The following PXDN variants were observed in gnomAD, a reference collection of about 807,000 sequenced individuals.
PXDN encodes peroxidasin.
Under a neutral mutation model 140.3 loss-of-function variants are expected in PXDN, and 77 were observed. That is an observed-to-expected ratio of 0.55 (90% CI 0.46 to 0.66). The LOEUF (loss-of-function observed/expected upper bound fraction) is 0.66. PXDN is among the 30% of genes least tolerant of loss of function. The probability of loss-of-function intolerance (pLI) is 0.00; values close to 1 mark genes in which losing one functional copy is unlikely to be tolerated. For synonymous variants in PXDN, 911 were observed against 857.4 expected, an observed-to-expected ratio of 1.06 and a Z score of -1.09; for missense variants, 1,838 against 2,039.5, an observed-to-expected ratio of 0.90 and a Z score of 1.90.
Position 1,648,902 on chromosome 2 carries a change from T to C in PXDN, c.2878A>G (p.Met960Val), listed in dbSNP as rs1682929716. 1 of 1,601,180 alleles carries C rather than the reference T, an allele frequency of 6.2e-7. No homozygotes were observed. The highest frequency in any genetic ancestry group is 2.2e-5 in the East Asian group (1 of 44,512). ...PFATGPPTEC[M>V]RDENESPIPC... is the part of the protein sequence containing the mutation. ...ATGGGGCTCTCGTTCTCGTCCCGCA[T>C]GCACTCCGTGGGCGGCCCGGTGGCG... The change falls in exon 17 of 23, where the codon ATG becomes GTG. Residue 960 changes from methionine (M) to valine (V), a missense_variant. Met to Val is a conservative substitution (Grantham distance 21). This residue lies in a region of PXDN where 850 missense variants were observed against 894.1 expected (regional missense o/e 0.95). Coordinates refer to ENST00000252804, the MANE Select transcript of PXDN (RefSeq NM_012293.3). The surrounding 1 kb of genome is among the most constrained non-coding windows in gnomAD (Gnocchi z 8.9).
At chr2:1,732,187 G>GA (rs1442897063) in intron 1 of PXDN, among the ~76,000 whole-genome samples, 1 of 152,184 alleles carries the variant, frequency 6.6e-6, no homozygotes, top group Non-Finnish European at 1.5e-5. Context: ...GTAGCCAGCA[G>GA]AAAACGGCCC....
At chr2:1,703,209 A>G (rs185868626) in intron 1 of PXDN, among the ~76,000 whole-genome samples, 1 of 31,014 alleles carries the variant, frequency 3.2e-5, no homozygotes, top group Non-Finnish European at 5.3e-5. Context: ...AAGAGGGACA[A>G]CTCCAGGTGA....
At chr2:1,743,647 G>T (rs868145334) in intron 1 of PXDN, among the ~76,000 whole-genome samples, 1 of 142,052 alleles carries the variant, frequency 7.0e-6, no homozygotes, top group Non-Finnish European at 1.5e-5. Flanking sequence ...GAGAAGGAAG[G>T]GGGGGAGGAG....
intron 9 of PXDN, 104 bp from the exon 10 acceptor site, chr2:1,666,590 T>A: frequency 7.4e-7 from 1 of 1,348,396 alleles, no homozygotes; most frequent in Non-Finnish European, 9.9e-7. Context: ...ACCACCGAAA[T>A]AGGCAAAACA....
chr2:1,680,032 C>A (rs112132398), intron 7 of PXDN, among the ~76,000 whole-genome samples, 161 bp downstream of exon 7: 1 of 130,302 alleles, frequency 7.7e-6, no homozygotes, highest in Non-Finnish European at 1.6e-5. Context: ...CGTGTATGTG[C>A]GTGTGTGTGG....
intron 1 of PXDN, among the ~76,000 whole-genome samples, chr2:1,698,011 C>T (rs1280996748): frequency 6.6e-6 from 1 of 152,172 alleles, no homozygotes; most frequent in Admixed American, 6.5e-5. Flanking sequence ...GGCAGGGCAT[C>T]CATGAACTCT....
In PXDN at chr2:1,741,164, C is replaced by T. The variant is rs79378616; in HGVS notation, c.200+3092G>A. Among the ~76,000 whole-genome samples the T allele has an allele frequency of 2.4e-3, 368 of 152,030 alleles. 1 individual carries two copies. Among genetic ancestry groups the T allele is most frequent in the African/African-American group, 8.1e-3 (336 of 41,460 alleles). On this transcript the variant is annotated intron_variant, in intron 1 of 22. Coordinates refer to ENST00000252804, the MANE Select transcript of PXDN (RefSeq NM_012293.3). ...CCAGCCAGCACCCTAGCGGCGTGAC[C>T]GTGAAGAAGAATGTTTCAAATGTGA...
intron 13 of PXDN, 71 bp downstream of exon 13, chr2:1,662,001 T>C (rs867096953): frequency 7.4e-7 from 1 of 1,346,626 alleles, no homozygotes; most frequent in Non-Finnish European, 1.0e-6. Flanking sequence ...CTCCAGGTAG[T>C]GGGTGGTGTG....
In PXDN at chr2:1,634,237, G is replaced by A; in HGVS notation, c.4407C>T (p.Val1469=). 1.2e-6 allele frequency: 2 copies of A among 1,604,284 alleles called. No homozygotes were observed. The highest frequency in any genetic ancestry group is 1.7e-6 in the Non-Finnish European group (2 of 1,175,600). Residue 1469 remains valine (V), a synonymous_variant, in exon 23 of 23, where the codon GTC becomes GTT. Transcript: ENST00000252804. ...PVNIPGACCP[V]CLQKRAEEKP ...TTTCCTCCGCCCTCTTCTGTAAGCAGACTGGACAGCAGGCCCCTGGGATGT... is the reference window on the plus strand; with the variant it reads ...TTTCCTCCGCCCTCTTCTGTAAGCAAACTGGACAGCAGGCCCCTGGGATGT...
intron 17 of PXDN, among the ~76,000 whole-genome samples, chr2:1,647,761 T>C (rs1236191898): frequency 6.6e-6 from 1 of 152,220 alleles, no homozygotes; most frequent in Non-Finnish European, 1.5e-5. Flanking sequence ...TCTCTGCCCC[T>C]GATACAACAG....
At chr2:1,698,968 TG>T (rs1437725623) in intron 1 of PXDN, among the ~76,000 whole-genome samples, 1 of 152,208 alleles carries the variant, frequency 6.6e-6, no homozygotes, top group African/African-American at 2.4e-5. Context: ...TGTTTCCTTT[TG>T]TTTTGCTGTA....
intron 4 of PXDN, 59 bp from the exon 5 acceptor site, chr2:1,684,210 T>A: frequency 6.8e-7 from 1 of 1,470,470 alleles, no homozygotes; most frequent in Non-Finnish European, 9.3e-7. Context: ...AGATCCAGAT[T>A]TTTGCCCAAA....
chr2:1,653,804 G>A lies in PXDN; in HGVS notation c.1947-19C>T, dbSNP rs1558491834. The A allele has an allele frequency of 6.5e-7, 1 of 1,533,092 alleles. No homozygotes were observed. The highest frequency in any genetic ancestry group is 1.7e-4 in the Middle Eastern group (1 of 5,902). The allele number at this position is 1,533,092 out of a possible 1,614,324, so 95.0% of individuals were successfully genotyped here. Reference sequence around the variant, plus strand: ...AGGACGGCTAACCAGAGTTTAGGGGGAAGAAAGGAAGAATGAAACAAATTA... The same window carrying A: ...AGGACGGCTAACCAGAGTTTAGGGGAAAGAAAGGAAGAATGAAACAAATTA... On this transcript the variant is annotated intron_variant, in intron 15 of 22. Transcript: ENST00000252804.
rs200580512 is a variant in PXDN at position 1,704,663 on chromosome 2, AG to A, written c.201-11530del. ...GTGAAGGGGGGGCAGCTCCAGGTGA[AG>A]GGGGGGCAACTCCAAGAGGGGAGGG... is the stretch of plus-strand genomic sequence containing the variant. On this transcript the variant is annotated intron_variant, in intron 1 of 22. Transcript: ENST00000252804. 1.7e-4 allele frequency among the ~76,000 whole-genome samples: 12 copies of A among 71,720 alleles called. No homozygotes were observed. The Admixed American group carries it at 1.7e-3, about 10-fold the overall frequency. 47.1% of individuals were successfully genotyped at this position (71,720 alleles called of 152,430 possible). A position where few individuals can be genotyped will look rare whatever the true frequency, so the allele number is the denominator to read the frequency against.
intron 7 of PXDN, among the ~76,000 whole-genome samples, chr2:1,678,868 G>A (rs910764531): frequency 3.3e-5 from 5 of 152,186 alleles, no homozygotes; most frequent in African/African-American, 1.2e-4. Context: ...CTGCACAGGG[G>A]TCTGGGCCTC....
Position 1,644,698 on chromosome 2 carries a change from G to T in PXDN, c.3663C>A (p.Asp1221Glu). ...IDLFPALVVE[D>E]LVPGSRLGPT... ...GGCCCAGCCGGCTGCCAGGCACCAG[G>T]TCCTCCACCACGAGCGCCGGAAACA... Residue 1221 changes from aspartate (D) to glutamate (E), a missense_variant, in exon 18 of 23, where the codon GAC (aspartate) becomes GAA (glutamate). This residue lies in a region of PXDN where 850 missense variants were observed against 894.1 expected (regional missense o/e 0.95). Coordinates refer to ENST00000252804, the MANE Select transcript of PXDN (RefSeq NM_012293.3). 3 of 1,602,344 alleles carry T rather than the reference G, an allele frequency of 1.9e-6. No homozygotes were observed. The highest frequency in any genetic ancestry group is 2.6e-6 in the Non-Finnish European group (3 of 1,172,410).
chr2:1,711,408 T>C (rs1390522311), intron 1 of PXDN, among the ~76,000 whole-genome samples: 1 of 93,004 alleles, frequency 1.1e-5, no homozygotes, highest in Non-Finnish European at 2.1e-5. Context: ...AAGCACCCAC[T>C]CTCCACCAGC....
intron 1 of PXDN, among the ~76,000 whole-genome samples, chr2:1,739,347 A>T (rs1436772076): frequency 6.6e-6 from 1 of 152,076 alleles, no homozygotes; most frequent in Non-Finnish European, 1.5e-5. Context: ...TGGGGAGAAA[A>T]CGATAGAATA....
intron 1 of PXDN, among the ~76,000 whole-genome samples, chr2:1,700,019 T>C (rs542205599): frequency 1.3e-5 from 2 of 152,280 alleles, no homozygotes; most frequent in South Asian, 2.1e-4. Flanking sequence ...TTTTTCTCAA[T>C]ATATTTTTAT....
Sources: gnomAD v4.1 joint callset for allele counts (sites outside exome capture counted in the v4.1 genomes callset) on GRCh38, gnomAD v4.1.1 for gene constraint, gnomAD v4.1.1 regional missense constraint, Gnocchi (gnomAD v3.1) non-coding constraint, MANE v1.5 for transcripts, NCBI Gene and HGNC (gene_info 2026-07-23, HGNC 2026-07-21) for gene names.